GLRA3: variants seen among roughly 807,000 people sequenced by gnomAD.
GLRA3 encodes glycine receptor subunit alpha-3.
In GLRA3, 44 loss-of-function variants were observed where a neutral mutation model predicts 60.4. That is an observed-to-expected ratio of 0.73 (90% CI 0.57 to 0.94). The LOEUF is 0.94. Among genes scored for constraint, GLRA3 ranks in the 40% least tolerant of loss-of-function variants. The pLI, the probability that GLRA3 is intolerant of heterozygous loss-of-function variation, is 0.00. For synonymous variants in GLRA3, 223 were observed against 192.9 expected, an observed-to-expected ratio of 1.16 and a Z score of -1.29; for missense variants, 508 against 564.6, an observed-to-expected ratio of 0.90 and a Z score of 1.02.
At chr4:174,660,179 C>G (rs549508834) in intron 7 of GLRA3, among the ~76,000 whole-genome samples, 58 of 152,018 alleles carry the variant, frequency 3.8e-4, no homozygotes, top group African/African-American at 1.3e-3. Flanking sequence ...AATCCTACCA[C>G]CTAATCCTTA....
rs746838333 is a variant in GLRA3 at position 174,659,228 on chromosome 4, A to T, written c.928-31T>A. On this transcript the variant is annotated intron_variant, in intron 7 of 9. Coordinates refer to ENST00000274093, the MANE Select transcript of GLRA3 (RefSeq NM_006529.4). ...CAAGAGAGAAAGAGAAAGCAAGCAA[A>T]TTCACTTATATTGTTACTTCCTTTG... The T allele has an allele frequency of 1.9e-6, 3 of 1,561,630 alleles. No individual in the cohort carries two copies. The East Asian group carries it at 6.8e-5, about 35-fold the overall frequency.
chr4:174,710,244 T>C (rs1561070346), intron 5 of GLRA3, among the ~76,000 whole-genome samples: 1 of 152,072 alleles, frequency 6.6e-6, no homozygotes. Context: ...CTTCTAAGGT[T>C]GTGTCTCTAT....
chr4:174,666,023 A>G (rs1716720848), intron 7 of GLRA3, among the ~76,000 whole-genome samples: 1 of 152,170 alleles, frequency 6.6e-6, no homozygotes, highest in South Asian at 2.1e-4. Context: ...CCACATGGCT[A>G]CCAAGTTGCA....
Position 174,640,918 on chromosome 4 carries a change from C to G in GLRA3, c.*2868G>C, listed in dbSNP as rs1043177005. 6.6e-6 allele frequency: 1 copy of G among 152,000 alleles called. No homozygotes were observed. Among genetic ancestry groups the G allele is most frequent in the Non-Finnish European group, 1.5e-5 (1 of 67,946 alleles). The allele number at this position is 152,000 out of a possible 1,614,324, so 9.4% of individuals were successfully genotyped here. On this transcript the variant is annotated 3_prime_UTR_variant, in exon 10 of 10. Transcript: ENST00000274093. The stretch of plus-strand genomic sequence containing the variant: ...GGAAGGGTTGGAGAAGTTTTAAACA[C>G]CCTCAGCTTTCTTGAAAATACAGTG...
chr4:174,818,190 G>A (rs891371412), intron 1 of GLRA3, among the ~76,000 whole-genome samples: 3 of 152,158 alleles, frequency 2.0e-5, no homozygotes, highest in African/African-American at 7.2e-5. Flanking sequence ...AATGAGGAGA[G>A]GCAATAGAAT....
intron 7 of GLRA3, among the ~76,000 whole-genome samples, chr4:174,663,751 C>G (rs1188030960): frequency 1.3e-5 from 2 of 152,152 alleles, no homozygotes; most frequent in African/African-American, 4.8e-5. Flanking sequence ...GCAGTTCTTA[C>G]TTCAATGCAT....
chr4:174,827,309 T>C (rs1370643254), intron 1 of GLRA3, among the ~76,000 whole-genome samples: 4 of 151,804 alleles, frequency 2.6e-5, no homozygotes, highest in African/African-American at 9.6e-5. Context: ...ATTGCCATTA[T>C]ACAAATTTAA....
chr4:174,709,958 GTTGAT>G (rs1435063366), intron 5 of GLRA3, among the ~76,000 whole-genome samples: 1 of 145,924 alleles, frequency 6.9e-6, no homozygotes, highest in African/African-American at 2.5e-5. Flanking sequence ...AAAACATAAT[GTTGAT>G]TTTCTTTTTT....
intron 5 of GLRA3, among the ~76,000 whole-genome samples, chr4:174,684,987 A>G (rs1188362129): frequency 1.3e-5 from 2 of 152,154 alleles, no homozygotes; most frequent in African/African-American, 4.8e-5. Flanking sequence ...CAGCCTGGGC[A>G]ACAGAGTAAG....
intron 7 of GLRA3, among the ~76,000 whole-genome samples, chr4:174,667,946 G>A (rs1488894386): frequency 2.6e-5 from 4 of 152,124 alleles, no homozygotes; most frequent in African/African-American, 9.7e-5. Context: ...TGGTGTTGGA[G>A]GTGGGGCTTG....
rs190013413 is a variant in GLRA3, at chr4:174,777,564, T to C, written c.200-10534A>G. Among the ~76,000 whole-genome samples the C allele has an allele frequency of 3.1e-3, 471 of 152,224 alleles. 5 individuals carry two copies. Among genetic ancestry groups the C allele is most frequent in the African/African-American group, 0.01 (435 of 41,532 alleles). ...GATGAGGGGAAGTGGGAGAGAGATATACTCATACCACAAGCACAGGAGATT... is the reference window on the plus strand; with the variant it reads ...GATGAGGGGAAGTGGGAGAGAGATACACTCATACCACAAGCACAGGAGATT... On this transcript the variant is annotated intron_variant, in intron 2 of 9. Coordinates refer to ENST00000274093, the MANE Select transcript of GLRA3 (RefSeq NM_006529.4).
At chr4:174,667,072 A>G (rs1733706034) in intron 7 of GLRA3, among the ~76,000 whole-genome samples, 1 of 152,104 alleles carries the variant, frequency 6.6e-6, no homozygotes. Flanking sequence ...TGTCATTGCT[A>G]TCCTCACTTG....
intron 1 of GLRA3, among the ~76,000 whole-genome samples, chr4:174,822,303 CCT>C (rs1740771253): frequency 6.6e-6 from 1 of 152,066 alleles, no homozygotes; most frequent in Non-Finnish European, 1.5e-5. Flanking sequence ...GCATGGAGCA[CCT>C]CCATGGACAT....
At chr4:174,651,746 G>T (rs1332701853) in intron 9 of GLRA3, among the ~76,000 whole-genome samples, 2 of 152,084 alleles carry the variant, frequency 1.3e-5, no homozygotes, top group African/African-American at 4.8e-5. Context: ...ACAATACATG[G>T]GTTTTGCCAT....
chr4:174,643,285 A>G lies in GLRA3; in HGVS notation c.*501T>C. ...TACATATGTTGTTTAAATAGTATTTATATGTACAATCCTCCATTAATATGA... is the reference window on the plus strand; with the variant it reads ...TACATATGTTGTTTAAATAGTATTTGTATGTACAATCCTCCATTAATATGA... On this transcript the variant is annotated 3_prime_UTR_variant, in exon 10 of 10. Transcript: ENST00000274093. 3.0e-6 allele frequency: 2 copies of G among 657,688 alleles called. No individual in the cohort carries two copies. The highest frequency in any genetic ancestry group is 1.9e-6 in the Non-Finnish European group (1 of 532,156). The allele number at this position is 657,688 out of a possible 1,614,324, so 40.7% of individuals were successfully genotyped here.
At chr4:174,736,135 C>A (rs1736777447) in intron 3 of GLRA3, among the ~76,000 whole-genome samples, 1 of 152,036 alleles carries the variant, frequency 6.6e-6, no homozygotes, top group Non-Finnish European at 1.5e-5. Context: ...GTCATAGAAT[C>A]ATAATGATTT....
chr4:174,734,671 T>A (rs1736699888), intron 3 of GLRA3, among the ~76,000 whole-genome samples: 1 of 152,334 alleles, frequency 6.6e-6, no homozygotes, highest in African/African-American at 2.4e-5. Context: ...GAGGGATTGA[T>A]TAGAACATAA....
chr4:174,752,762 T>G (rs1267867735), intron 3 of GLRA3, among the ~76,000 whole-genome samples: 1 of 152,254 alleles, frequency 6.6e-6, no homozygotes, highest in African/African-American at 2.4e-5. Context: ...ATATTTTCAG[T>G]TTATCTTCTT....
chr4:174,711,190 A>G (rs547383935), intron 5 of GLRA3, among the ~76,000 whole-genome samples: 1 of 151,814 alleles, frequency 6.6e-6, no homozygotes, highest in East Asian at 1.9e-4. Flanking sequence ...TAACATGTTG[A>G]TTCATAAGAG....
Sources: gnomAD v4.1 joint callset for allele counts (sites outside exome capture counted in the v4.1 genomes callset) on GRCh38, gnomAD v4.1.1 for gene constraint, MANE v1.5 for transcripts, NCBI Gene and HGNC (gene_info 2026-07-23, HGNC 2026-07-21) for gene names.